The following SNX29 variants were observed in gnomAD, a reference collection of about 807,000 sequenced individuals.
SNX29 encodes the protein sorting nexin 29.
In SNX29, 78 loss-of-function variants were observed where a neutral mutation model predicts 102.1. The ratio of observed to expected loss-of-function variants is 0.76; its 90% CI spans 0.64 to 0.92. SNX29 has a LOEUF of 0.92. Among genes scored for constraint, SNX29 ranks in the 40% least tolerant of loss-of-function variants. SNX29 has a pLI of 0.00. For missense variants in SNX29, 1,280 were observed against 1,061.7 expected, an observed-to-expected ratio of 1.21 and a Z score of -2.86; for synonymous variants, 580 against 414.5, an observed-to-expected ratio of 1.40 and a Z score of -4.85.
At chr16:12,460,272 T>C (rs2086723797) in intron 18 of SNX29, among the ~76,000 whole-genome samples, 1 of 152,222 alleles carries the variant, frequency 6.6e-6, no homozygotes, top group Non-Finnish European at 1.5e-5. Context: ...GGGGAAACCC[T>C]AAAACTGTCT....
In SNX29 at chr16:12,398,587, A is replaced by G. The variant is rs545885940; in HGVS notation, c.1955+86A>G. The G allele has an allele frequency of 1.6e-5, 24 of 1,470,476 alleles. No individual in the cohort carries two copies. In the African/African-American group the frequency reaches 2.8e-4, roughly 17 times the overall value. The allele number at this position is 1,470,476 out of a possible 1,614,324, so 91.1% of individuals were successfully genotyped here. On this transcript the variant is annotated intron_variant, in intron 17 of 20. Transcript: ENST00000566228. Reference sequence around the variant, plus strand: ...CTGTCCCAGAAGACCACAGGGGGAAACAGAAATCACTGTTGAGACCCACAC... The same window carrying G: ...CTGTCCCAGAAGACCACAGGGGGAAGCAGAAATCACTGTTGAGACCCACAC...
At chr16:12,563,043 G>A (rs771589796) in intron 20 of SNX29, among the ~76,000 whole-genome samples, 4 of 152,158 alleles carry the variant, frequency 2.6e-5, no homozygotes, top group African/African-American at 9.7e-5. Flanking sequence ...CAAGGGCCAA[G>A]GTCACCTCGA....
intron 14 of SNX29, among the ~76,000 whole-genome samples, chr16:12,219,626 CT>C (rs1399980624): frequency 6.6e-6 from 1 of 152,232 alleles, no homozygotes; most frequent in Non-Finnish European, 1.5e-5. Context: ...CCCTTTCTCT[CT>C]TCCTTATTGA....
intron 14 of SNX29, among the ~76,000 whole-genome samples, chr16:12,211,140 C>T (rs193290618): frequency 2.9e-4 from 44 of 152,196 alleles, no homozygotes; most frequent in African/African-American, 1.0e-3. Flanking sequence ...GTCAGGGCAC[C>T]GTTTCATTCA....
At chr16:12,139,354 C>T (rs538910030) in intron 13 of SNX29, among the ~76,000 whole-genome samples, 4 of 152,158 alleles carry the variant, frequency 2.6e-5, no homozygotes, top group Non-Finnish European at 4.4e-5. Flanking sequence ...TTGTCATCCA[C>T]GCACTGCCTG....
intron 13 of SNX29, among the ~76,000 whole-genome samples, chr16:12,189,201 A>G (rs989127421): frequency 1.3e-5 from 2 of 152,262 alleles, no homozygotes; most frequent in African/African-American, 4.8e-5. Context: ...TATAACAATC[A>G]GAATTAGAAA....
At chr16:12,088,348 A>G (rs2052320796) in intron 11 of SNX29, among the ~76,000 whole-genome samples, 1 of 151,986 alleles carries the variant, frequency 6.6e-6, no homozygotes, top group African/African-American at 2.4e-5. Context: ...TGTCCCTTGT[A>G]AGCTCTGCAG....
intron 16 of SNX29, among the ~76,000 whole-genome samples, chr16:12,389,407 C>T (rs1199913547): frequency 6.6e-6 from 1 of 152,110 alleles, no homozygotes; most frequent in Non-Finnish European, 1.5e-5. Flanking sequence ...GATTAAGTCT[C>T]ATGAGATCTG....
chr16:12,073,144 A>C (rs923130144), intron 10 of SNX29, among the ~76,000 whole-genome samples: 2 of 151,646 alleles, frequency 1.3e-5, no homozygotes, highest in African/African-American at 4.9e-5. Flanking sequence ...AATTTTTTGA[A>C]GGGTTTTTTG....
At position 12,571,752 on chromosome 16, in the gene SNX29, C is replaced by CA. The variant is rs1225763837; in HGVS notation, c.*3124dup. ...CTGCTAGAAACCTAGCCCAACCATC[C>CA]ACTCCTGATCTGAGACAGAACCTTC... is the stretch of plus-strand genomic sequence containing the variant. On this transcript the variant is annotated 3_prime_UTR_variant, in exon 21 of 21. Coordinates refer to ENST00000566228, the MANE Select transcript of SNX29 (RefSeq NM_032167.5). 2 of 1,012,940 alleles carry CA rather than the reference C, an allele frequency of 2.0e-6. No individual in the cohort carries two copies. Among genetic ancestry groups the CA allele is most frequent in the Non-Finnish European group, 2.4e-6 (2 of 832,588 alleles). The allele number at this position is 1,012,940 out of a possible 1,614,324, so 62.7% of individuals were successfully genotyped here.
At chr16:12,523,745 G>A (rs1240647161) in intron 19 of SNX29, among the ~76,000 whole-genome samples, 2 of 152,204 alleles carry the variant, frequency 1.3e-5, no homozygotes, top group Non-Finnish European at 2.9e-5. Flanking sequence ...GAGTGAGGGG[G>A]TTCTGGATCA....
At chr16:12,013,500 A>AAAAAAAATATATATAT in intron 3 of SNX29, among the ~76,000 whole-genome samples, 23 of 31,608 alleles carry the variant, frequency 7.3e-4, no homozygotes, top group Non-Finnish European at 1.2e-3. Context: ...AAAAAAAAAA[A>AAAAAAAATATATATAT]ATATATATAT....
chr16:12,186,918 C>T (rs529518140), intron 13 of SNX29, among the ~76,000 whole-genome samples: 22 of 152,288 alleles, frequency 1.4e-4, no homozygotes, highest in African/African-American at 5.3e-4. Flanking sequence ...AACTCAATGC[C>T]AAGAGGTCAA....
intron 14 of SNX29, among the ~76,000 whole-genome samples, chr16:12,229,384 A>G (rs1471304450): frequency 6.6e-6 from 1 of 152,358 alleles, no homozygotes; most frequent in East Asian, 1.9e-4. Flanking sequence ...CTAAATGAAC[A>G]TCTAACCAAT....
intron 11 of SNX29, among the ~76,000 whole-genome samples, chr16:12,093,361 A>G (rs1252665733): frequency 1.3e-5 from 2 of 152,184 alleles, no homozygotes; most frequent in African/African-American, 4.8e-5. Context: ...TGTAATCCCA[A>G]CACTTTGGGA....
At chr16:12,141,990 C>T (rs577635157) in intron 13 of SNX29, among the ~76,000 whole-genome samples, 1 of 152,344 alleles carries the variant, frequency 6.6e-6, no homozygotes, top group African/African-American at 2.4e-5. Flanking sequence ...GGTTCAAACA[C>T]CTCCAACAAT....
chr16:12,219,972 C>G (rs1322069554), intron 14 of SNX29, among the ~76,000 whole-genome samples: 1 of 152,238 alleles, frequency 6.6e-6, no homozygotes, highest in Non-Finnish European at 1.5e-5. Context: ...CCCACCGGTA[C>G]CTGTCCCGGC....
chr16:12,019,380 T>C (rs1459496712), intron 3 of SNX29, among the ~76,000 whole-genome samples: 1 of 151,686 alleles, frequency 6.6e-6, no homozygotes, highest in Non-Finnish European at 1.5e-5. Context: ...TACTTTTTTG[T>C]ATTTTTAGTG....
At chr16:12,360,786 A>G (rs772674711) in intron 16 of SNX29, among the ~76,000 whole-genome samples, 1 of 152,168 alleles carries the variant, frequency 6.6e-6, no homozygotes, top group Non-Finnish European at 1.5e-5. Flanking sequence ...CTTAAGAGGA[A>G]GCATATTTAG....
Sources: gnomAD v4.1 joint callset for allele counts (sites outside exome capture counted in the v4.1 genomes callset) on GRCh38, gnomAD v4.1.1 for gene constraint, MANE v1.5 for transcripts, NCBI Gene and HGNC (gene_info 2026-07-23, HGNC 2026-07-21) for gene names.